DNAAF4: variants seen among roughly 807,000 people sequenced by gnomAD.
The protein encoded by DNAAF4 is dynein assembly factor 4, axonemal.
DNAAF4 carries 43 observed loss-of-function variants against 51.8 expected under a neutral mutation model. That is an observed-to-expected ratio of 0.83 (90% CI 0.65 to 1.07). The LOEUF (loss-of-function observed/expected upper bound fraction) is 1.07, where lower values mean the gene tolerates loss of function less well. DNAAF4 is among the 50% of genes least tolerant of loss of function. The pLI, the probability that DNAAF4 is intolerant of heterozygous loss-of-function variation, is 0.00. For missense variants in DNAAF4, 581 were observed against 493.0 expected (o/e 1.18, Z -1.69); for synonymous variants, 194 against 165.6 (o/e 1.17, Z -1.32).
chr15:55,436,745 C>T (rs2057618539), intron 7 of DNAAF4, among the ~76,000 whole-genome samples: 1 of 152,132 alleles, frequency 6.6e-6, no homozygotes, highest in Non-Finnish European at 1.5e-5. Flanking sequence ...GTCTCAAAAT[C>T]CTGAACTCAA....
chr15:55,497,255 G>A (rs1297850751), intron 3 of DNAAF4, among the ~76,000 whole-genome samples: 3 of 151,962 alleles, frequency 2.0e-5, no homozygotes, highest in African/African-American at 7.3e-5. Context: ...TCCTTCTGTT[G>A]TTAGTTTATT....
chr15:55,436,772 G>T lies in DNAAF4; in HGVS notation c.894-1714C>A, dbSNP rs646322. Among the ~76,000 whole-genome samples, 3 of 151,964 alleles carry T rather than the reference G, an allele frequency of 2.0e-5. No individual in the cohort carries two copies. The South Asian group carries it at 6.2e-4, about 32-fold the overall frequency. On this transcript the variant is annotated intron_variant, in intron 7 of 9. Coordinates refer to ENST00000321149, the MANE Select transcript of DNAAF4 (RefSeq NM_130810.4). ...TGAACTCAAGTATCTACCCATCTTG[G>T]CCTCTCAAAGTGCTGGGATTACAGG...
intron 7 of DNAAF4, among the ~76,000 whole-genome samples, chr15:55,423,959 G>A (rs758494059): frequency 1.2e-4 from 19 of 152,076 alleles, no homozygotes; most frequent in Non-Finnish European, 2.2e-4. Flanking sequence ...GCATGGTGGC[G>A]CATGCCTGTA....
intron 3 of DNAAF4, among the ~76,000 whole-genome samples, chr15:55,494,740 G>A (rs2058618293): frequency 6.6e-6 from 1 of 152,066 alleles, no homozygotes; most frequent in South Asian, 2.1e-4. Context: ...GTTTTGATTT[G>A]TCTAAATCAG....
At chr15:55,499,679 C>T (rs1018382517) in intron 1 of DNAAF4, among the ~76,000 whole-genome samples, 2 of 152,188 alleles carry the variant, frequency 1.3e-5, no homozygotes, top group African/African-American at 4.8e-5. Flanking sequence ...AGAGAAACCA[C>T]CCTATGATTC....
chr15:55,426,716 G>A (rs1190018340), downstream of DNAAF4, among the ~76,000 whole-genome samples: 1 of 152,094 alleles, frequency 6.6e-6, no homozygotes, highest in Non-Finnish European at 1.5e-5. Context: ...CACTGAGCCT[G>A]GCCCAAAATT....
Position 55,467,097 on chromosome 15 carries a change from T to C in DNAAF4, c.470A>G (p.Lys157Arg), listed in dbSNP as rs1176605603. 2 of 1,549,624 alleles carry C rather than the reference T, an allele frequency of 1.3e-6. No individual in the cohort carries two copies. The highest frequency in any genetic ancestry group is 1.7e-6 in the Non-Finnish European group (2 of 1,149,220). ...MKENERIKAT[K>R]ALEAWKEYQR... is the part of the protein sequence containing the mutation. ...ATATTCTTTCCAGGCTTCCAATGCTTTAGTGGCTTTTATCCGTTCATTTTC... is the reference window on the plus strand; with the variant it reads ...ATATTCTTTCCAGGCTTCCAATGCTCTAGTGGCTTTTATCCGTTCATTTTC... The change falls in exon 5 of 10, where the codon AAA becomes AGA. Residue 157 changes from lysine (K) to arginine (R), a missense_variant. Transcript: ENST00000321149.
intron 7 of DNAAF4, among the ~76,000 whole-genome samples, chr15:55,424,073 A>G (rs2057410117): frequency 6.6e-6 from 1 of 152,102 alleles, no homozygotes; most frequent in South Asian, 2.1e-4. Flanking sequence ...CTGGGTGACA[A>G]AGCAAGACTC....
chr15:55,505,398 C>G (rs559981045), intron 1 of DNAAF4, among the ~76,000 whole-genome samples: 1 of 152,228 alleles, frequency 6.6e-6, no homozygotes, highest in African/African-American at 2.4e-5. Flanking sequence ...TACCATTTGA[C>G]CCAGCAATCC....
chr15:55,479,552 C>T (rs1167873830), intron 4 of DNAAF4, among the ~76,000 whole-genome samples: 2 of 151,938 alleles, frequency 1.3e-5, no homozygotes, highest in Non-Finnish European at 2.9e-5. Context: ...TTTTAAGGAA[C>T]AAGGGAAGAC....
intron 4 of DNAAF4, among the ~76,000 whole-genome samples, chr15:55,485,910 G>C (rs1449736948): frequency 6.7e-6 from 1 of 148,436 alleles, no homozygotes; most frequent in East Asian, 2.0e-4. Context: ...CAGGAGAATG[G>C]CATGAACCCA....
chr15:55,481,131 C>G (rs751955512), intron 4 of DNAAF4, among the ~76,000 whole-genome samples: 8 of 152,140 alleles, frequency 5.3e-5, no homozygotes, highest in Non-Finnish European at 7.3e-5. Flanking sequence ...AATGAAAACT[C>G]TTTCCTTTAT....
At chr15:55,502,692 G>C (rs1414566202) in intron 1 of DNAAF4, among the ~76,000 whole-genome samples, 1 of 152,132 alleles carries the variant, frequency 6.6e-6, no homozygotes, top group Non-Finnish European at 1.5e-5. Flanking sequence ...ATATCGAAAT[G>C]AAGGCAGAAA....
intron 4 of DNAAF4, among the ~76,000 whole-genome samples, chr15:55,481,844 C>G (rs535208628): frequency 6.6e-6 from 1 of 152,350 alleles, no homozygotes; most frequent in South Asian, 2.1e-4. Context: ...GCCCCTCCCT[C>G]TACAAAACCC....
At chr15:55,498,063 T>C in intron 2 of DNAAF4, 144 bp downstream of exon 2, 2 of 1,425,080 alleles carry the variant, frequency 1.4e-6, no homozygotes, top group Non-Finnish European at 9.6e-7. Flanking sequence ...GTGTGTTACC[T>C]GTATGGGATT....
chr15:55,499,050 C>A (rs564233132), intron 1 of DNAAF4, among the ~76,000 whole-genome samples: 4 of 152,186 alleles, frequency 2.6e-5, no homozygotes, highest in Admixed American at 2.0e-4. Flanking sequence ...TGCCCATACG[C>A]CCTTGGTGCA....
At chr15:55,438,593 C>T (rs1161410726) in intron 7 of DNAAF4, among the ~76,000 whole-genome samples, 2 of 151,804 alleles carry the variant, frequency 1.3e-5, no homozygotes, top group Non-Finnish European at 2.9e-5. Context: ...ACCAGCTTGA[C>T]CAACATGGTG....
chr15:55,459,747 A>C (rs1356978775), intron 5 of DNAAF4, among the ~76,000 whole-genome samples: 1 of 149,870 alleles, frequency 6.7e-6, no homozygotes, highest in African/African-American at 2.5e-5. Context: ...TCTGTTGCCC[A>C]GGCTGGAGTG....
intron 4 of DNAAF4, among the ~76,000 whole-genome samples, chr15:55,474,767 T>C (rs1595933880): frequency 6.6e-6 from 1 of 151,906 alleles, no homozygotes; most frequent in African/African-American, 2.4e-5. Context: ...TTACCTGAGG[T>C]TGGGAGTTCA....
Sources: allele counts gnomAD v4.1 joint callset (sites outside exome capture counted in the v4.1 genomes callset), GRCh38; gene constraint gnomAD v4.1.1; transcripts MANE v1.5; gene names NCBI Gene and HGNC (gene_info 2026-07-23, HGNC 2026-07-21).